Variants in GFOD1 observed in about 807,000 individuals in gnomAD.
GFOD1 encodes glucose-fructose oxidoreductase domain-containing protein 1.
In GFOD1, 9 loss-of-function variants were observed where a neutral mutation model predicts 25.4. That is an observed-to-expected ratio of 0.35 (90% CI 0.21 to 0.62). GFOD1 has a LOEUF of 0.62. Among genes scored for constraint, GFOD1 ranks in the 20% least tolerant of loss-of-function variants. The probability of loss-of-function intolerance (pLI) is 0.72; values close to 1 mark genes in which losing one functional copy is unlikely to be tolerated. For missense variants in GFOD1, 403 were observed against 556.9 expected, an observed-to-expected ratio of 0.72 and a Z score of 2.78; for synonymous variants, 253 against 245.6, an observed-to-expected ratio of 1.03 and a Z score of -0.28.
At chr6:13,464,698 A>C (rs1172936318) in intron 1 of GFOD1, among the ~76,000 whole-genome samples, 1 of 152,216 alleles carries the variant, frequency 6.6e-6, no homozygotes, top group African/African-American at 2.4e-5. Context: ...TCATCCAATC[A>C]GTTGAAGGCT....
rs1248031610 is a variant in GFOD1, at chr6:13,486,853, G to A, written c.38C>T (p.Thr13Met). 2 of 1,612,510 alleles carry A rather than the reference G, an allele frequency of 1.2e-6. No individual in the cohort carries two copies. Among genetic ancestry groups the A allele is most frequent in the African/African-American group, 2.7e-5 (2 of 74,926 alleles). The change falls in exon 1 of 2, where the codon ACG (threonine) becomes ATG (methionine). Residue 13 changes from threonine to methionine, a missense_variant. By Grantham distance (81) the Thr-to-Met change is moderately conservative. Transcript: ENST00000379287. Reference sequence around the variant, plus strand: ...CAGCAGCGGGATGATGACACGGGCCGTGAGGCTGGTGCCGAACACGCCCAC... The same window carrying A: ...CAGCAGCGGGATGATGACACGGGCCATGAGGCTGGTGCCGAACACGCCCAC... ...PGVGVFGTSL[T>M]ARVIIPLLKD...
At chr6:13,391,511 C>CAAAAAAA (rs57340590) in intron 1 of GFOD1, among the ~76,000 whole-genome samples, 352 of 107,926 alleles carry the variant, frequency 3.3e-3, no homozygotes, top group African/African-American at 3.7e-3. Flanking sequence ...AACAAACAAA[C>CAAAAAAA]AAAAAAAAAA....
At position 13,486,670 on chromosome 6, in the gene GFOD1, G is replaced by A; in HGVS notation, c.221C>T (p.Pro74Leu). ...TTTGACAGCGATCTGTCTGGTGAGGGGCGGCGGCAGGTTAATGCACACCAA... is the reference window on the plus strand; with the variant it reads ...TTTGACAGCGATCTGTCTGGTGAGGAGCGGCGGCAGGTTAATGCACACCAA... The part of the protein sequence containing the change: ...VDLVCINLPP[P>L]LTRQIAVKTL... The change falls in exon 1 of 2, where the codon CCC becomes CTC. Residue 74 changes from proline to leucine, a missense_variant. Coordinates refer to ENST00000379287, the MANE Select transcript of GFOD1 (RefSeq NM_018988.4). 1 of 1,614,022 alleles carries A rather than the reference G, an allele frequency of 6.2e-7. No homozygotes were observed. The highest frequency in any genetic ancestry group is 8.5e-7 in the Non-Finnish European group (1 of 1,179,932).
intron 1 of GFOD1, among the ~76,000 whole-genome samples, chr6:13,409,125 G>A (rs976412771): frequency 2.2e-4 from 11 of 49,144 alleles, no homozygotes; most frequent in Non-Finnish European, 4.5e-4. Flanking sequence ...AAGAAAGAAA[G>A]AAAGAAAGAA....
At chr6:13,449,001 C>CA (rs1158399423) in intron 1 of GFOD1, among the ~76,000 whole-genome samples, 1 of 152,030 alleles carries the variant, frequency 6.6e-6, no homozygotes, top group Non-Finnish European at 1.5e-5. Context: ...AAGGGCTACT[C>CA]AAAAAAACAA....
chr6:13,450,646 C>T (rs767284055), intron 1 of GFOD1, among the ~76,000 whole-genome samples: 7 of 152,094 alleles, frequency 4.6e-5, no homozygotes, highest in African/African-American at 1.4e-4. Context: ...CAGGGAAGTT[C>T]GGTAGAAACT....
intron 1 of GFOD1, among the ~76,000 whole-genome samples, chr6:13,471,003 T>C (rs755048348): frequency 3.9e-5 from 6 of 152,134 alleles, no homozygotes; most frequent in Non-Finnish European, 5.9e-5. Context: ...AAGTACGTAT[T>C]AGTTGAGGTT....
chr6:13,361,020 C>T lies in GFOD1; in HGVS notation c.*3723G>A. ...TGTGTATAAAAGAAATAGCAATACCCAACACTATAGGGTTGTTTTTATGGA... is the reference window on the plus strand; with the variant it reads ...TGTGTATAAAAGAAATAGCAATACCTAACACTATAGGGTTGTTTTTATGGA... On this transcript the variant is annotated 3_prime_UTR_variant, in exon 2 of 2. Transcript: ENST00000379287. 1 of 373,636 alleles carries T rather than the reference C, an allele frequency of 2.7e-6. No homozygotes were observed. The highest frequency in any genetic ancestry group is 7.3e-5 in the East Asian group (1 of 13,780). 23.1% of individuals were successfully genotyped at this position (373,636 alleles called of 1,614,324 possible). A position where few individuals can be genotyped will look rare whatever the true frequency, so the allele number is the denominator to read the frequency against.
chr6:13,403,718 T>A (rs946853098), intron 1 of GFOD1, among the ~76,000 whole-genome samples: 8 of 152,250 alleles, frequency 5.3e-5, no homozygotes, highest in Admixed American at 2.6e-4. Flanking sequence ...TGATATATGC[T>A]GCAACATGGA....
At chr6:13,486,234 C>G in intron 1 of GFOD1, 1 of 632,108 alleles carries the variant, frequency 1.6e-6, no homozygotes, top group Non-Finnish European at 1.9e-6. Context: ...CACAACCCTC[C>G]TCCACCCCCC....
chr6:13,371,379 T>C (rs1448788647), intron 1 of GFOD1, among the ~76,000 whole-genome samples: 1 of 152,174 alleles, frequency 6.6e-6, no homozygotes, highest in Non-Finnish European at 1.5e-5. Flanking sequence ...GAGCCACTTG[T>C]CCCATGCTGA....
At chr6:13,409,149 G>GAAAGAA (rs369047514) in intron 1 of GFOD1, among the ~76,000 whole-genome samples, 904 of 36,346 alleles carry the variant, frequency 0.025, 71 homozygotes, top group South Asian at 0.043. Context: ...AAGAAAGAAA[G>GAAAGAA]AGAGGAAAGA....
At position 13,362,148 on chromosome 6, in the gene GFOD1, T is replaced by A. The variant is rs1450624684; in HGVS notation, c.*2595A>T. 2 of 152,110 alleles carry A rather than the reference T, an allele frequency of 1.3e-5. No individual in the cohort carries two copies. Among genetic ancestry groups the A allele is most frequent in the East Asian group, 3.8e-4 (2 of 5,198 alleles). 9.4% of individuals were successfully genotyped at this position (152,110 alleles called of 1,614,324 possible). ...ATTCCAATGTTTCCCCAAAAACTAC[T>A]TTCCCAGGGAGCAATTTAGAAGAAC... On this transcript the variant is annotated 3_prime_UTR_variant, in exon 2 of 2. Coordinates refer to ENST00000379287, the MANE Select transcript of GFOD1 (RefSeq NM_018988.4).
At chr6:13,454,458 G>C (rs75302612) in intron 1 of GFOD1, among the ~76,000 whole-genome samples, 1,636 of 152,260 alleles carry the variant, frequency 0.011, 26 homozygotes, top group African/African-American at 0.038. Context: ...TTGGACTGAA[G>C]AGCTAAAGAT....
chr6:13,438,378 T>C (rs1055660743), intron 1 of GFOD1, among the ~76,000 whole-genome samples: 2 of 152,206 alleles, frequency 1.3e-5, no homozygotes, highest in Non-Finnish European at 2.9e-5. Flanking sequence ...GCAATTACCC[T>C]CTTTACAAAG....
intron 1 of GFOD1, among the ~76,000 whole-genome samples, chr6:13,477,216 G>GTGTGTGTGTGTGTGTGTGTGT (rs869069113): frequency 7.1e-6 from 1 of 140,770 alleles, no homozygotes; most frequent in Non-Finnish European, 1.5e-5. Context: ...ACCAATAGGG[G>GTGTGTGTGTGTGTGTGTGTGT]GTGTGTGTGT....
chr6:13,430,142 T>TA lies in GFOD1; in HGVS notation c.253+56495dup, dbSNP rs1757722608. Among the ~76,000 whole-genome samples the TA allele has an allele frequency of 6.6e-6, 1 of 152,118 alleles. No individual in the cohort carries two copies. The highest frequency in any genetic ancestry group is 2.4e-5 in the African/African-American group (1 of 41,432). On this transcript the variant is annotated intron_variant, in intron 1 of 1. Coordinates refer to ENST00000379287, the MANE Select transcript of GFOD1 (RefSeq NM_018988.4). This position sits in a 1 kb window ranked among gnomAD's most constrained non-coding sequence, Gnocchi z 4.1. ...TGCACTCTGTAGGAATGCTTGCTTT[T>TA]AAAATCCAGCCAGGCCGGGAGCAGT...
intron 1 of GFOD1, chr6:13,470,516 T>G: frequency 6.5e-7 from 1 of 1,549,852 alleles, no homozygotes; most frequent in East Asian, 2.4e-5. Context: ...GGTAAACAAA[T>G]GTCCCATGTG....
At chr6:13,384,926 C>A (rs2127559574) in intron 1 of GFOD1, among the ~76,000 whole-genome samples, 1 of 152,298 alleles carries the variant, frequency 6.6e-6, no homozygotes, top group Non-Finnish European at 1.5e-5. Context: ...AAGCTTGAAT[C>A]TATTATCATT....
Sources: gnomAD v4.1 joint callset for allele counts (sites outside exome capture counted in the v4.1 genomes callset) on GRCh38, gnomAD v4.1.1 for gene constraint, Gnocchi (gnomAD v3.1) non-coding constraint, MANE v1.5 for transcripts, NCBI Gene and HGNC (gene_info 2026-07-23, HGNC 2026-07-21) for gene names.